Variants in PAK1 observed in about 807,000 individuals in gnomAD.
The protein encoded by PAK1 is p21 (RAC1) activated kinase 1.
In PAK1, 29 loss-of-function variants were observed where a neutral mutation model predicts 67.4. That is an observed-to-expected ratio of 0.43 (90% confidence interval 0.32 to 0.59). The LOEUF is 0.59. PAK1 is among the 20% of genes least tolerant of loss of function. The pLI, the probability that PAK1 is intolerant of heterozygous loss-of-function variation, is 0.07. For synonymous variants in PAK1, 223 were observed against 237.4 expected, an observed-to-expected ratio of 0.94 and a Z score of 0.56; for missense variants, 337 against 670.7, an observed-to-expected ratio of 0.50 and a Z score of 5.50.
intron 1 of PAK1, among the ~76,000 whole-genome samples, chr11:77,427,302 T>A (rs886071867): frequency 6.6e-6 from 1 of 152,224 alleles, no homozygotes; most frequent in Non-Finnish European, 1.5e-5. Context: ...TAGGATGATG[T>A]CACTGCTATT....
intron 9 of PAK1, chr11:77,347,023 G>A (rs1018083983): frequency 2.2e-6 from 1 of 456,026 alleles, no homozygotes; most frequent in Non-Finnish European, 4.4e-6. Context: ...CCCCCAATAA[G>A]CAAGAACTCA....
chr11:77,343,326 C>T (rs1943924863), intron 10 of PAK1, among the ~76,000 whole-genome samples: 1 of 150,262 alleles, frequency 6.7e-6, no homozygotes. Context: ...TCAAAGCAGA[C>T]AACCTAAAAG....
intron 14 of PAK1, among the ~76,000 whole-genome samples, chr11:77,330,045 G>C (rs1435891442): frequency 2.0e-5 from 3 of 152,028 alleles, no homozygotes; most frequent in African/African-American, 7.2e-5. Context: ...TTGCTTCAAA[G>C]AGAATAAAAT....
chr11:77,353,515 A>T, intron 8 of PAK1, 21 bp downstream of exon 8: 1 of 1,570,096 alleles, frequency 6.4e-7, no homozygotes, highest in Non-Finnish European at 8.8e-7. Context: ...TTCTCCAGGG[A>T]AAGAAAATGC....
intron 1 of PAK1, among the ~76,000 whole-genome samples, chr11:77,435,708 C>T (rs1249741373): frequency 1.5e-5 from 2 of 136,222 alleles, no homozygotes; most frequent in African/African-American, 5.7e-5. Context: ...CGGAGTTTCA[C>T]CATGTTAGCC....
At chr11:77,489,672 A>T in the PAK1 span, among the ~76,000 whole-genome samples, 3 of 151,482 alleles carry the variant, frequency 2.0e-5, no homozygotes, top group Non-Finnish European at 4.4e-5. Flanking sequence ...GCTGGTCTCC[A>T]GCTCCTAACC....
chr11:77,333,194 C>CTTTTTTTT (rs886805892), intron 13 of PAK1, among the ~76,000 whole-genome samples: 10 of 127,152 alleles, frequency 7.9e-5, no homozygotes, highest in Non-Finnish European at 1.4e-4. Flanking sequence ...TCTTCTTCTT[C>CTTTTTTTT]TTTTTTTTTT....
At chr11:77,504,334 T>A in the PAK1 span, among the ~76,000 whole-genome samples, 1 of 152,102 alleles carries the variant, frequency 6.6e-6, no homozygotes, top group Non-Finnish European at 1.5e-5. Context: ...ATTTTTGTAA[T>A]CTCTTTACTA....
At chr11:77,367,959 C>T (rs1462237790) in intron 5 of PAK1, among the ~76,000 whole-genome samples, 1 of 152,182 alleles carries the variant, frequency 6.6e-6, no homozygotes, top group Non-Finnish European at 1.5e-5. Flanking sequence ...AGCCTGGTGA[C>T]AGAACGAGAC....
At chr11:77,474,491 A>G (rs1232446887), upstream of PAK1, 1 of 151,972 alleles carries the variant, frequency 6.6e-6, no homozygotes, top group African/African-American at 2.4e-5. Context: ...TTTTGGGACG[A>G]TTTCTGGGAG....
At position 77,355,842 on chromosome 11, in the gene PAK1, C is replaced by T; in HGVS notation, c.598G>A (p.Val200Ile). 6.2e-7 allele frequency: 1 copy of T among 1,612,776 alleles called. No homozygotes were observed. Among genetic ancestry groups the T allele is most frequent in the Non-Finnish European group, 8.5e-7 (1 of 1,179,144 alleles). The change falls in exon 7 of 15, where the codon GTA becomes ATA. Residue 200 changes from valine (V) to isoleucine (I), a missense_variant and splice_region_variant. Around this residue, in one of 8 missense-constraint regions of PAK1, gnomAD observed 150 missense variants for 179.0 expected, o/e 0.84. Transcript: ENST00000356341. Reference protein sequence around the residue: ...IAPRPEHTKSVYTRSVIEPLP... With the variant: ...IAPRPEHTKSIYTRSVIEPLP... ...GGTTCAATCACAGACCGTGTGTATA[C>T]CTGCATTATTAGTGCAAAATTTTGG...
intron 1 of PAK1, among the ~76,000 whole-genome samples, chr11:77,408,554 C>CACACAT (rs1027433023): frequency 6.6e-6 from 1 of 151,794 alleles, no homozygotes; most frequent in African/African-American, 2.4e-5. Flanking sequence ...CACACACACA[C>CACACAT]ACACACACAC....
intron 1 of PAK1, among the ~76,000 whole-genome samples, chr11:77,445,116 A>T (rs889251393): frequency 6.6e-6 from 1 of 152,158 alleles, no homozygotes. Context: ...TCCTTATAAA[A>T]AGGGGAAATT....
At chr11:77,500,119 T>C in the PAK1 span, among the ~76,000 whole-genome samples, 293 of 152,330 alleles carry the variant, frequency 1.9e-3, no homozygotes, top group Non-Finnish European at 3.5e-3. Context: ...AGAATTTGTA[T>C]AGCAAAGATG....
intron 12 of PAK1, 95 bp downstream of exon 12, chr11:77,337,229 G>C: frequency 1.8e-6 from 1 of 562,452 alleles, no homozygotes; most frequent in Non-Finnish European, 3.2e-6. Context: ...AGACCCTTTG[G>C]TGAGTGTCGT....
Position 77,380,924 on chromosome 11 carries a change from C to T in PAK1, c.191-930G>A, listed in dbSNP as rs571337782. Among the ~76,000 whole-genome samples, 35 of 152,308 alleles carry T rather than the reference C, an allele frequency of 2.3e-4. No homozygotes were observed. In the South Asian group the frequency reaches 7.3e-3, roughly 32 times the overall value. On this transcript the variant is annotated intron_variant, in intron 2 of 14. Transcript: ENST00000356341. ...CAGGAATAAATGTTCATTTCAGCAGCTCTGGCCTGACTTTCACAACACTTG... is the reference window on the plus strand; with the variant it reads ...CAGGAATAAATGTTCATTTCAGCAGTTCTGGCCTGACTTTCACAACACTTG...
At position 77,408,963 on chromosome 11, in the gene PAK1, G is replaced by C. The variant is rs573853309; in HGVS notation, c.-21-16422C>G. On this transcript the variant is annotated intron_variant, in intron 1 of 14. Transcript: ENST00000356341. ...CATCTCACTCCAGTTAAAATGGCTTGTATCAAAAAGACAGGCAAAGGCTGG... is the reference window on the plus strand; with the variant it reads ...CATCTCACTCCAGTTAAAATGGCTTCTATCAAAAAGACAGGCAAAGGCTGG... Among the ~76,000 whole-genome samples the C allele has an allele frequency of 2.0e-5, 3 of 152,230 alleles. No homozygotes were observed. In the East Asian group the frequency reaches 5.8e-4, roughly 29 times the overall value.
rs60242404 is a variant in PAK1 at position 77,336,925 on chromosome 11, C to T, written c.1216+399G>A. Among the ~76,000 whole-genome samples, 7 of 151,924 alleles carry T rather than the reference C, an allele frequency of 4.6e-5. No homozygotes were observed. In the East Asian group the frequency reaches 1.2e-3, roughly 25 times the overall value. On this transcript the variant is annotated intron_variant, in intron 12 of 14. Coordinates refer to ENST00000356341, the MANE Select transcript of PAK1 (RefSeq NM_002576.5). ...TGTCCTCTTACTTGTCCTCATATCC[C>T]TAGAAGGACCAGCATGTACTGGACA...
chr11:77,416,540 G>C (rs1954962571), intron 1 of PAK1, among the ~76,000 whole-genome samples: 1 of 152,132 alleles, frequency 6.6e-6, no homozygotes, highest in Non-Finnish European at 1.5e-5. Flanking sequence ...CCTGCCTGAG[G>C]CTGTTTTACA....
Sources: allele counts gnomAD v4.1 joint callset (sites outside exome capture counted in the v4.1 genomes callset), GRCh38; gene constraint gnomAD v4.1.1; regional missense constraint gnomAD v4.1.1; transcripts MANE v1.5; gene names NCBI Gene and HGNC (gene_info 2026-07-23, HGNC 2026-07-21).